HSD17B12: variants seen among roughly 807,000 people sequenced by gnomAD.
HSD17B12 encodes very-long-chain 3-oxoacyl-CoA reductase.
A neutral mutation model predicts 39.3 loss-of-function variants in HSD17B12; 32 were observed. The ratio of observed to expected loss-of-function variants is 0.81; its 90% confidence interval spans 0.61 to 1.09. The LOEUF (loss-of-function observed/expected upper bound fraction) is 1.09, where lower values mean the gene tolerates loss of function less well. Among genes scored for constraint, HSD17B12 ranks in the 50% least tolerant of loss-of-function variants. HSD17B12 has a pLI of 0.00. For missense variants in HSD17B12, 342 were observed against 382.9 expected (o/e 0.89, Z 0.89); for synonymous variants, 150 against 146.7 (o/e 1.02, Z -0.16).
At chr11:43,671,201 G>A in the HSD17B12 span, among the ~76,000 whole-genome samples, 5 of 152,180 alleles carry the variant, frequency 3.3e-5, no homozygotes, top group Admixed American at 6.5e-5. Context: ...GTCTCACTCT[G>A]TTGCCCAGGC....
chr11:43,759,894 ATT>A (rs759446486), intron 3 of HSD17B12, among the ~76,000 whole-genome samples: 2 of 142,476 alleles, frequency 1.4e-5, no homozygotes, highest in Non-Finnish European at 3.1e-5. Flanking sequence ...CACTTGGCTG[ATT>A]TTTTTTTTTT....
At chr11:43,753,549 C>A (rs1428414915) in intron 2 of HSD17B12, among the ~76,000 whole-genome samples, 2 of 147,584 alleles carry the variant, frequency 1.4e-5, no homozygotes, top group Non-Finnish European at 3.0e-5. Context: ...CCACCACACC[C>A]AGATAATTAA....
the HSD17B12 span, among the ~76,000 whole-genome samples, chr11:43,569,146 GT>G: frequency 6.6e-6 from 1 of 152,276 alleles, no homozygotes; most frequent in African/African-American, 2.4e-5. Context: ...TTTGGCTGGG[GT>G]TCGGGTCTCC....
At chr11:43,634,295 A>C in the HSD17B12 span, among the ~76,000 whole-genome samples, 1 of 152,002 alleles carries the variant, frequency 6.6e-6, no homozygotes, top group Admixed American at 6.6e-5. Flanking sequence ...GCATGACTTA[A>C]AATTTAAGTC....
At chr11:43,840,839 G>A (rs773847555) in intron 9 of HSD17B12, among the ~76,000 whole-genome samples, 1 of 152,162 alleles carries the variant, frequency 6.6e-6, no homozygotes, top group Non-Finnish European at 1.5e-5. Context: ...GAGCATGAGT[G>A]TACAAATATC....
chr11:43,742,582 T>C (rs1284645675), intron 1 of HSD17B12, among the ~76,000 whole-genome samples: 4 of 152,224 alleles, frequency 2.6e-5, no homozygotes, highest in Admixed American at 6.5e-5. Flanking sequence ...GCAAATATAA[T>C]ACATTACCCA....
At chr11:43,568,325 T>C in the HSD17B12 span, among the ~76,000 whole-genome samples, 2 of 152,018 alleles carry the variant, frequency 1.3e-5, no homozygotes, top group African/African-American at 4.8e-5. Context: ...CTGGTCTTGA[T>C]CTTCTGACCT....
At chr11:43,671,916 AT>A in the HSD17B12 span, among the ~76,000 whole-genome samples, 1 of 152,210 alleles carries the variant, frequency 6.6e-6, no homozygotes, top group Non-Finnish European at 1.5e-5. Flanking sequence ...TTAAAACTAT[AT>A]TTTCTAATCA....
chr11:43,580,710 G>T, the HSD17B12 span, among the ~76,000 whole-genome samples: 1 of 152,056 alleles, frequency 6.6e-6, no homozygotes, highest in Non-Finnish European at 1.5e-5. Flanking sequence ...TGAGGAGGGG[G>T]TCCTGAACCG....
At chr11:43,719,712 G>T (rs563459360) in intron 1 of HSD17B12, among the ~76,000 whole-genome samples, 1 of 151,638 alleles carries the variant, frequency 6.6e-6, no homozygotes, top group East Asian at 1.9e-4. Flanking sequence ...AAGACTATTA[G>T]CTCTACCCTT....
the HSD17B12 span, among the ~76,000 whole-genome samples, chr11:43,662,014 C>G: frequency 2.0e-5 from 3 of 152,178 alleles, no homozygotes; most frequent in African/African-American, 7.2e-5. Flanking sequence ...TCCATTTATA[C>G]TTTCCTTCTT....
the HSD17B12 span, among the ~76,000 whole-genome samples, chr11:43,577,408 G>A: frequency 6.6e-6 from 1 of 152,192 alleles, no homozygotes. Flanking sequence ...ATTCGAGGAT[G>A]AGCCAAGGCC....
upstream of HSD17B12, among the ~76,000 whole-genome samples, chr11:43,680,387 C>A (rs117301698): frequency 6.6e-6 from 1 of 152,154 alleles, no homozygotes; most frequent in Admixed American, 6.5e-5. Context: ...CCACTTCTTA[C>A]TATAATCTTT....
intron 3 of HSD17B12, among the ~76,000 whole-genome samples, chr11:43,758,632 A>G (rs1456980659): frequency 1.3e-5 from 2 of 152,188 alleles, no homozygotes; most frequent in African/African-American, 4.8e-5. Context: ...TGGTTCTCTC[A>G]TGGTAAATGT....
intron 1 of HSD17B12, among the ~76,000 whole-genome samples, chr11:43,711,844 T>G (rs1216270182): frequency 6.6e-6 from 1 of 152,170 alleles, no homozygotes; most frequent in Non-Finnish European, 1.5e-5. Flanking sequence ...AGAAAATTGC[T>G]GTCTTAACCC....
chr11:43,678,077 C>T (rs1949706920), upstream of HSD17B12, among the ~76,000 whole-genome samples: 1 of 152,216 alleles, frequency 6.6e-6, no homozygotes, highest in Admixed American at 6.5e-5. Flanking sequence ...TATTTCTCCA[C>T]ATCCTCTCCA....
chr11:43,746,889 A>G (rs981591439), intron 1 of HSD17B12, among the ~76,000 whole-genome samples: 3 of 152,212 alleles, frequency 2.0e-5, no homozygotes, highest in Admixed American at 6.5e-5. Flanking sequence ...CCAGAGCTGT[A>G]TATGTGGTCC....
chr11:43,651,134 G>A, the HSD17B12 span, among the ~76,000 whole-genome samples: 1 of 152,276 alleles, frequency 6.6e-6, no homozygotes, highest in Non-Finnish European at 1.5e-5. Context: ...ATCTAGAAAT[G>A]TTCAAAAAGG....
intron 3 of HSD17B12, among the ~76,000 whole-genome samples, chr11:43,778,021 CT>C (rs1160273831): frequency 6.6e-5 from 10 of 152,052 alleles, no homozygotes; most frequent in Non-Finnish European, 1.5e-4. Flanking sequence ...CAAAAAAACC[CT>C]TCAAAAAATT....
Sources: gnomAD v4.1 joint callset for allele counts (sites outside exome capture counted in the v4.1 genomes callset) on GRCh38, gnomAD v4.1.1 for gene constraint, MANE v1.5 for transcripts, NCBI Gene and HGNC (gene_info 2026-07-23, HGNC 2026-07-21) for gene names.